GALNTL6: variants seen among roughly 807,000 people sequenced by gnomAD.
The protein encoded by GALNTL6 is polypeptide N-acetylgalactosaminyltransferase-like 6.
GALNTL6 carries 46 observed loss-of-function variants against 73.7 expected under a neutral mutation model. The observed-to-expected ratio is 0.62, with a 90% confidence interval of 0.49 to 0.80. GALNTL6 has a LOEUF of 0.80. GALNTL6 is among the 30% of genes least tolerant of loss of function. The pLI, the probability that GALNTL6 is intolerant of heterozygous loss-of-function variation, is 0.00. For synonymous variants in GALNTL6, 259 were observed against 263.7 expected (o/e 0.98, Z 0.17); for missense variants, 604 against 755.0 (o/e 0.80, Z 2.34).
intron 2 of GALNTL6, among the ~76,000 whole-genome samples, chr4:172,053,972 A>G (rs1027758): frequency 0.79 from 120,505 of 151,974 alleles, 48,292 homozygotes; most frequent in Non-Finnish European, 0.85. Context: ...TGTATATACA[A>G]AACAAAATCC....
chr4:172,126,333 CA>C (rs1218129246), intron 2 of GALNTL6, among the ~76,000 whole-genome samples: 1 of 152,124 alleles, frequency 6.6e-6, no homozygotes, highest in Admixed American at 6.5e-5. Flanking sequence ...TTTAGACTTT[CA>C]AACTTCAATT....
intron 9 of GALNTL6, among the ~76,000 whole-genome samples, chr4:172,940,687 A>T (rs28655321): frequency 0.097 from 11,908 of 122,602 alleles, 1,262 homozygotes; most frequent in African/African-American, 0.29. Flanking sequence ...TATTATTATT[A>T]TTTAGAGACA....
chr4:172,825,012 C>A (rs1034487236), intron 7 of GALNTL6, among the ~76,000 whole-genome samples: 2 of 149,516 alleles, frequency 1.3e-5, no homozygotes, highest in African/African-American at 4.9e-5. Flanking sequence ...ACAAAATAAT[C>A]AAGAAATGAC....
chr4:173,013,305 G>A (rs1317637295), intron 11 of GALNTL6, among the ~76,000 whole-genome samples: 3 of 152,114 alleles, frequency 2.0e-5, no homozygotes, highest in African/African-American at 4.8e-5. Flanking sequence ...ATAAGGAAAA[G>A]CTTCATTTCT....
intron 2 of GALNTL6, among the ~76,000 whole-genome samples, chr4:172,193,830 C>T (rs1019773615): frequency 1.3e-5 from 2 of 152,142 alleles, no homozygotes; most frequent in Non-Finnish European, 2.9e-5. Flanking sequence ...GCCACTCACT[C>T]CAGCCTGGGT....
rs1239952992 is a variant in GALNTL6, at chr4:172,452,720, T to C, written c.553+104031T>C. Among the ~76,000 whole-genome samples the C allele has an allele frequency of 4.6e-5, 7 of 152,382 alleles. 1 individual carries two copies. The South Asian group carries it at 1.4e-3, about 32-fold the overall frequency. On this transcript the variant is annotated intron_variant, in intron 5 of 12. Transcript: ENST00000506823. ...TTTACAACAAAACTGATTCATATCA[T>C]GTACAAACTAACTACTGACTTGTAA...
chr4:172,751,230 G>T (rs910463514), intron 5 of GALNTL6, among the ~76,000 whole-genome samples: 1 of 152,126 alleles, frequency 6.6e-6, no homozygotes, highest in South Asian at 2.1e-4. Context: ...CTTTTCAAAG[G>T]CTGTTGAGAC....
intron 5 of GALNTL6, among the ~76,000 whole-genome samples, chr4:172,538,703 G>A (rs1436716651): frequency 6.6e-6 from 1 of 152,128 alleles, no homozygotes; most frequent in African/African-American, 2.4e-5. Context: ...GTAAGGTCCA[G>A]AACTCAAAGT....
At chr4:172,696,205 T>C (rs1733683657) in intron 5 of GALNTL6, among the ~76,000 whole-genome samples, 1 of 152,156 alleles carries the variant, frequency 6.6e-6, no homozygotes, top group African/African-American at 2.4e-5. Context: ...GTGCAAGACT[T>C]GATCCAAAAA....
intron 2 of GALNTL6, among the ~76,000 whole-genome samples, chr4:172,075,239 CT>C (rs1215563346): frequency 6.6e-6 from 1 of 151,906 alleles, no homozygotes; most frequent in Non-Finnish European, 1.5e-5. Context: ...TCTAATTTTC[CT>C]TTTTAAATAT....
intron 5 of GALNTL6, among the ~76,000 whole-genome samples, chr4:172,541,695 C>T (rs1203863246): frequency 6.6e-6 from 1 of 152,102 alleles, no homozygotes; most frequent in Non-Finnish European, 1.5e-5. Flanking sequence ...GTGGACTGTC[C>T]GCATGAGCGG....
chr4:172,125,318 T>C (rs896758467), intron 2 of GALNTL6, among the ~76,000 whole-genome samples: 4 of 152,112 alleles, frequency 2.6e-5, no homozygotes, highest in African/African-American at 9.7e-5. Context: ...ATGGCACAAA[T>C]AGAAACTGTA....
At chr4:172,234,893 A>G (rs1181078034) in intron 3 of GALNTL6, among the ~76,000 whole-genome samples, 3 of 151,950 alleles carry the variant, frequency 2.0e-5, no homozygotes, top group Admixed American at 1.3e-4. Flanking sequence ...ATCATTATGG[A>G]TTTTTTTGTG....
At chr4:172,106,106 TAAAAG>T (rs1430050457) in intron 2 of GALNTL6, among the ~76,000 whole-genome samples, 1 of 152,160 alleles carries the variant, frequency 6.6e-6, no homozygotes, top group Non-Finnish European at 1.5e-5. Context: ...ATGTTCCAGA[TAAAAG>T]AAAATGACAC....
intron 2 of GALNTL6, among the ~76,000 whole-genome samples, chr4:171,967,512 GA>G (rs1381969905): frequency 7.2e-6 from 1 of 138,618 alleles, no homozygotes; most frequent in African/African-American, 2.8e-5. Flanking sequence ...AAAATATATT[GA>G]AAATAGTCAT....
intron 8 of GALNTL6, among the ~76,000 whole-genome samples, chr4:172,892,424 T>C (rs1173454466): frequency 1.3e-5 from 2 of 152,130 alleles, no homozygotes; most frequent in Non-Finnish European, 2.9e-5. Flanking sequence ...GGCTACTTAC[T>C]TGTGGATAGT....
chr4:172,844,317 C>T (rs1743374385), intron 7 of GALNTL6, among the ~76,000 whole-genome samples: 1 of 152,162 alleles, frequency 6.6e-6, no homozygotes, highest in South Asian at 2.1e-4. Context: ...TACTATCTTT[C>T]TCGATTCTCA....
chr4:172,878,448 C>T (rs1047488754), intron 7 of GALNTL6, among the ~76,000 whole-genome samples: 1 of 151,578 alleles, frequency 6.6e-6, no homozygotes, highest in Non-Finnish European at 1.5e-5. Context: ...GGATTTAAAA[C>T]GTGTAAAAGT....
intron 2 of GALNTL6, among the ~76,000 whole-genome samples, chr4:172,149,358 C>G (rs546289433): frequency 4.6e-5 from 7 of 152,276 alleles, no homozygotes; most frequent in Non-Finnish European, 8.8e-5. Flanking sequence ...GTATGCGCTG[C>G]TTTGACCTGT....
Sources: allele counts gnomAD v4.1 joint callset (sites outside exome capture counted in the v4.1 genomes callset), GRCh38; gene constraint gnomAD v4.1.1; transcripts MANE v1.5; gene names NCBI Gene and HGNC (gene_info 2026-07-23, HGNC 2026-07-21).